NTRK3: variants seen among roughly 807,000 people sequenced by gnomAD.
NTRK3 encodes the protein neurotrophic receptor tyrosine kinase 3, also known as NT-3 growth factor receptor.
In NTRK3, 24 loss-of-function variants were observed where a neutral mutation model predicts 91.7. The observed-to-expected ratio is 0.26, with a 90% confidence interval of 0.19 to 0.37. The LOEUF (loss-of-function observed/expected upper bound fraction) is 0.37. Among genes scored for constraint, NTRK3 ranks in the 10% least tolerant of loss-of-function variants. The pLI is 1.00. For missense variants in NTRK3, 880 were observed against 1,068.9 expected (o/e 0.82, Z 2.46); for synonymous variants, 483 against 404.0 (o/e 1.20, Z -2.34).
At chr15:88,190,784 G>A (rs925387675) in intron 3 of NTRK3, among the ~76,000 whole-genome samples, 1 of 152,180 alleles carries the variant, frequency 6.6e-6, no homozygotes, top group Non-Finnish European at 1.5e-5. Context: ...ATTTTCCATA[G>A]CAAAACTAGT....
intron 5 of NTRK3, among the ~76,000 whole-genome samples, chr15:88,159,532 G>A (rs1028372337): frequency 1.3e-5 from 2 of 152,166 alleles, no homozygotes; most frequent in Admixed American, 6.5e-5. Flanking sequence ...CACACTTTAA[G>A]AACCACTGAT....
At chr15:88,215,716 A>T (rs2049710254) in intron 3 of NTRK3, among the ~76,000 whole-genome samples, 1 of 152,274 alleles carries the variant, frequency 6.6e-6, no homozygotes, top group Non-Finnish European at 1.5e-5. Flanking sequence ...AGAGAATTGC[A>T]AGTCCATTCT....
intron 9 of NTRK3, 81 bp downstream of exon 9, chr15:88,135,818 G>C: frequency 3.2e-6 from 5 of 1,564,998 alleles, no homozygotes; most frequent in Middle Eastern, 1.9e-4. Flanking sequence ...GCTCACCCCT[G>C]ACAACACCTT....
intron 13 of NTRK3, among the ~76,000 whole-genome samples, chr15:88,103,523 T>C (rs907398510): frequency 6.6e-6 from 1 of 152,172 alleles, no homozygotes; most frequent in Non-Finnish European, 1.5e-5. Context: ...TGGCGAAAGA[T>C]GGGGCAGCTT....
intron 17 of NTRK3, among the ~76,000 whole-genome samples, chr15:87,895,105 G>A (rs2066046358): frequency 6.6e-6 from 1 of 152,140 alleles, no homozygotes; most frequent in South Asian, 2.1e-4. Context: ...CAACACTAAA[G>A]CTGTAGCTAA....
rs888777736 is a variant in NTRK3, at chr15:88,240,204, C to T, written c.248+15702G>A. Among the ~76,000 whole-genome samples, 9 of 151,886 alleles carry T rather than the reference C, an allele frequency of 5.9e-5. No homozygotes were observed. The highest frequency in any genetic ancestry group is 1.9e-4 in the African/African-American group (8 of 41,322). Reference sequence around the variant, plus strand: ...CCTACTTTCCCATCCCGTCCCCAGCCACCGCCATAGAAACATCACAAGTCA... The same window carrying T: ...CCTACTTTCCCATCCCGTCCCCAGCTACCGCCATAGAAACATCACAAGTCA... On this transcript the variant is annotated intron_variant, in intron 3 of 18. Transcript: ENST00000394480. The surrounding 1 kb of genome is among the most constrained non-coding windows in gnomAD (Gnocchi z 4.9).
intron 3 of NTRK3, among the ~76,000 whole-genome samples, chr15:88,184,744 G>A (rs139866172): frequency 2.8e-4 from 43 of 152,268 alleles, no homozygotes; most frequent in African/African-American, 9.4e-4. Flanking sequence ...AAAAGGACGG[G>A]GTGGCCGGCT....
At chr15:87,965,613 CGTG>C (rs1441232564) in intron 14 of NTRK3, among the ~76,000 whole-genome samples, 3 of 152,184 alleles carry the variant, frequency 2.0e-5, no homozygotes, top group Non-Finnish European at 2.9e-5. Context: ...ACCAAAGGAC[CGTG>C]GTGTTTATTC....
chr15:87,944,130 A>C (rs1475560087), intron 14 of NTRK3, among the ~76,000 whole-genome samples: 2 of 152,234 alleles, frequency 1.3e-5, no homozygotes, highest in African/African-American at 4.8e-5. Flanking sequence ...GGAATGGGAA[A>C]TAAGCACAGA....
chr15:88,113,016 C>G (rs7168277), intron 13 of NTRK3, among the ~76,000 whole-genome samples: 59,522 of 151,970 alleles, frequency 0.39, 12,275 homozygotes, highest in African/African-American at 0.52. Context: ...ATTTTGAAAT[C>G]ATTCTTTCCC....
chr15:88,004,205 C>T (rs964462495), intron 14 of NTRK3, among the ~76,000 whole-genome samples: 1 of 152,146 alleles, frequency 6.6e-6, no homozygotes, highest in Non-Finnish European at 1.5e-5. Flanking sequence ...TCTCTCCATC[C>T]TTAATGCCCC....
At chr15:88,123,413 C>A (rs2052945111) in intron 13 of NTRK3, among the ~76,000 whole-genome samples, 1 of 152,204 alleles carries the variant, frequency 6.6e-6, no homozygotes, top group South Asian at 2.1e-4. Context: ...ACTTCTGGTA[C>A]CGGTGTCATC....
rs1487477313 is a variant in NTRK3 at position 87,974,239 on chromosome 15, G to C, written c.1586-33486C>G. Among the ~76,000 whole-genome samples the C allele has an allele frequency of 4.7e-5, 7 of 149,980 alleles. No homozygotes were observed. The East Asian group carries it at 1.2e-3, about 25-fold the overall frequency. ...CTGCTGGGAGCTTGGCTGCAGAAAG[G>C]GATTCCCGCACAAAAGAAGAGACAG... is the stretch of plus-strand genomic sequence containing the variant. On this transcript the variant is annotated intron_variant, in intron 14 of 18. Coordinates refer to ENST00000394480, the Ensembl canonical transcript of NTRK3.
At chr15:87,951,758 A>AGG (rs2071126411) in intron 14 of NTRK3, among the ~76,000 whole-genome samples, 1 of 152,296 alleles carries the variant, frequency 6.6e-6, no homozygotes, top group South Asian at 2.1e-4. Flanking sequence ...AGGAAATGGA[A>AGG]GGCAGGCCCG....
At position 88,135,402 on chromosome 15, in the gene NTRK3, C is replaced by T; in HGVS notation, c.908-5G>A. On this transcript the variant is annotated splice_polypyrimidine_tract_variant and splice_region_variant and intron_variant, in intron 9 of 18. Coordinates refer to ENST00000394480, the Ensembl canonical transcript of NTRK3. Reference sequence around the variant, plus strand: ...GGCTCACCACACGTGGGGGATCTGTCAAGGGAGAAGCCTGCTGAAATCCAG... The same window carrying T: ...GGCTCACCACACGTGGGGGATCTGTTAAGGGAGAAGCCTGCTGAAATCCAG... 2 of 1,612,972 alleles carry T rather than the reference C, an allele frequency of 1.2e-6. No individual in the cohort carries two copies. The highest frequency in any genetic ancestry group is 4.5e-5 in the East Asian group (2 of 44,862).
At chr15:88,108,032 G>C (rs2050900961) in intron 13 of NTRK3, among the ~76,000 whole-genome samples, 1 of 152,182 alleles carries the variant, frequency 6.6e-6, no homozygotes, top group Admixed American at 6.6e-5. Flanking sequence ...AGGAGACGCT[G>C]ACAGTAGCCC....
At chr15:87,953,170 C>T (rs1319218383) in intron 14 of NTRK3, among the ~76,000 whole-genome samples, 1 of 152,136 alleles carries the variant, frequency 6.6e-6, no homozygotes, top group Non-Finnish European at 1.5e-5. Context: ...CTCTCCCACC[C>T]TACAATTCTA....
chr15:88,037,064 A>G (rs2079137497), intron 13 of NTRK3, among the ~76,000 whole-genome samples: 2 of 152,322 alleles, frequency 1.3e-5, no homozygotes, highest in South Asian at 4.1e-4. Context: ...TAAGGTGCAT[A>G]GATGGAAGTG....
At chr15:88,162,277 C>A (rs542325592) in intron 5 of NTRK3, among the ~76,000 whole-genome samples, 2 of 152,324 alleles carry the variant, frequency 1.3e-5, no homozygotes, top group East Asian at 3.9e-4. Flanking sequence ...GAAATGGGAG[C>A]AAAATCTCTA....
Sources: gnomAD v4.1 joint callset for allele counts (sites outside exome capture counted in the v4.1 genomes callset) on GRCh38, gnomAD v4.1.1 for gene constraint, Gnocchi (gnomAD v3.1) non-coding constraint, MANE v1.5 for transcripts, NCBI Gene and HGNC (gene_info 2026-07-23, HGNC 2026-07-21) for gene names.